USH2A: variants seen among roughly 807,000 people sequenced by gnomAD.
The protein encoded by USH2A is usherin.
A neutral mutation model predicts 538.9 loss-of-function variants in USH2A; 443 were observed. The observed-to-expected ratio is 0.82, with a 90% CI of 0.76 to 0.89. The LOEUF is 0.89. USH2A is among the 40% of genes least tolerant of loss of function. USH2A has a pLI of 0.00. For synonymous variants in USH2A, 2,413 were observed against 2,273.5 expected, an observed-to-expected ratio of 1.06 and a Z score of -1.75; for missense variants, 6,633 against 6,324.8, an observed-to-expected ratio of 1.05 and a Z score of -1.65.
intron 35 of USH2A, among the ~76,000 whole-genome samples, chr1:215,992,242 T>G (rs186183890): frequency 6.6e-6 from 1 of 152,316 alleles, no homozygotes; most frequent in African/African-American, 2.4e-5. Context: ...TTCTTGATAT[T>G]TGTCTCAAAG....
chr1:215,627,969 T>C (rs1346331913), intron 71 of USH2A, among the ~76,000 whole-genome samples: 3 of 152,150 alleles, frequency 2.0e-5, no homozygotes, highest in African/African-American at 7.2e-5. Context: ...ATAATAAATG[T>C]TATATCACGA....
At chr1:215,897,312 A>G in intron 40 of USH2A, among the ~76,000 whole-genome samples, 1 of 152,112 alleles carries the variant, frequency 6.6e-6, no homozygotes, top group Non-Finnish European at 1.5e-5. Flanking sequence ...GTGCCTGTTG[A>G]TGGTATGGAA....
intron 21 of USH2A, among the ~76,000 whole-genome samples, chr1:216,117,147 T>G (rs1275845185): frequency 6.6e-6 from 1 of 152,144 alleles, no homozygotes; most frequent in African/African-American, 2.4e-5. Flanking sequence ...AAAGATCCAG[T>G]ATTTTACTAA....
At chr1:216,007,944 C>T (rs1028067443) in intron 32 of USH2A, among the ~76,000 whole-genome samples, 3 of 152,210 alleles carry the variant, frequency 2.0e-5, no homozygotes, top group African/African-American at 7.2e-5. Flanking sequence ...ACATATATGT[C>T]TTGAAGACTG....
chr1:216,009,825 C>G (rs984586394), intron 32 of USH2A, among the ~76,000 whole-genome samples: 4 of 151,994 alleles, frequency 2.6e-5, no homozygotes, highest in Admixed American at 1.3e-4. Flanking sequence ...CCAACCTGAC[C>G]AGCAATTTAC....
At chr1:215,912,476 CGTATATATATATATGT>C (rs1558157889) in intron 38 of USH2A, among the ~76,000 whole-genome samples, 7 of 10,888 alleles carry the variant, frequency 6.4e-4, no homozygotes, top group East Asian at 2.7e-3. Context: ...TATATATATA[CGTATATATATATATGT>C]GTATATATAT....
chr1:215,994,639 C>A (rs1668092167), intron 34 of USH2A, among the ~76,000 whole-genome samples: 1 of 152,030 alleles, frequency 6.6e-6, no homozygotes, highest in African/African-American at 2.4e-5. Flanking sequence ...CCTAATTAAC[C>A]TCTGTGGGTT....
intron 45 of USH2A, among the ~76,000 whole-genome samples, chr1:215,845,519 A>T (rs2102822796): frequency 6.6e-6 from 1 of 151,492 alleles, no homozygotes; most frequent in Admixed American, 6.6e-5. Flanking sequence ...GGCAAATCTT[A>T]AAAAAAAAGT....
At chr1:215,815,592 A>G (rs1195925529) in intron 48 of USH2A, among the ~76,000 whole-genome samples, 1 of 152,106 alleles carries the variant, frequency 6.6e-6, no homozygotes, top group Non-Finnish European at 1.5e-5. Context: ...AGCATAAAGA[A>G]AGGTAGGAGT....
chr1:216,060,991 G>A (rs946266095), intron 30 of USH2A, among the ~76,000 whole-genome samples: 4 of 152,304 alleles, frequency 2.6e-5, no homozygotes, highest in Non-Finnish European at 4.4e-5. Flanking sequence ...ATACACAGGA[G>A]TGATAACTGA....
chr1:216,140,425 C>T (rs925464758), intron 21 of USH2A, among the ~76,000 whole-genome samples: 11 of 152,150 alleles, frequency 7.2e-5, no homozygotes, highest in African/African-American at 2.7e-4. Context: ...TATTTTAACA[C>T]AGTTCTTGGT....
chr1:215,909,354 A>G (rs927924979), intron 38 of USH2A, among the ~76,000 whole-genome samples: 7 of 151,910 alleles, frequency 4.6e-5, no homozygotes, highest in African/African-American at 1.4e-4. Flanking sequence ...ACTTCATATG[A>G]CACTATAATG....
At chr1:215,871,203 T>C (rs558368515) in intron 43 of USH2A, among the ~76,000 whole-genome samples, 1 of 152,332 alleles carries the variant, frequency 6.6e-6, no homozygotes, top group African/African-American at 2.4e-5. Flanking sequence ...GTAAACTTTA[T>C]TATGGTATAG....
chr1:215,785,366 A>G (rs939095608), intron 52 of USH2A, among the ~76,000 whole-genome samples: 2 of 152,160 alleles, frequency 1.3e-5, no homozygotes, highest in Admixed American at 1.3e-4. Flanking sequence ...GAGCTCCTGC[A>G]CCACGTGGAG....
At chr1:215,950,696 G>T (rs1666891379) in intron 37 of USH2A, among the ~76,000 whole-genome samples, 1 of 151,648 alleles carries the variant, frequency 6.6e-6, no homozygotes, top group South Asian at 2.1e-4. Flanking sequence ...ATTTTTAGTA[G>T]AAATGGGGTT....
At chr1:215,755,400 C>A (rs1008231558) in intron 58 of USH2A, among the ~76,000 whole-genome samples, 7 of 152,142 alleles carry the variant, frequency 4.6e-5, no homozygotes, top group African/African-American at 1.4e-4. Flanking sequence ...TCTCCACTTA[C>A]AAATTTATTT....
At chr1:215,887,490 A>G (rs773745197) in intron 41 of USH2A, among the ~76,000 whole-genome samples, 14 of 152,194 alleles carry the variant, frequency 9.2e-5, no homozygotes, top group Non-Finnish European at 1.8e-4. Flanking sequence ...TTAATTTCCC[A>G]TTAGTGTTTA....
intron 47 of USH2A, among the ~76,000 whole-genome samples, chr1:215,832,228 T>C (rs1934431): frequency 0.43 from 65,824 of 151,568 alleles, 14,730 homozygotes; most frequent in Admixed American, 0.58. Context: ...ATAATAACAC[T>C]TTTGTACAAT....
At chr1:216,057,707 T>C (rs1053977869) in intron 30 of USH2A, among the ~76,000 whole-genome samples, 4 of 151,890 alleles carry the variant, frequency 2.6e-5, no homozygotes, top group African/African-American at 7.3e-5. Context: ...AAAAAGTTCG[T>C]AATAAACTAC....
Sources: gnomAD v4.1 joint callset for allele counts (sites outside exome capture counted in the v4.1 genomes callset) on GRCh38, gnomAD v4.1.1 for gene constraint, MANE v1.5 for transcripts, NCBI Gene and HGNC (gene_info 2026-07-23, HGNC 2026-07-21) for gene names.